Variants in NAALAD2 observed in about 807,000 individuals in gnomAD.
The protein encoded by NAALAD2 is N-acetylated alpha-linked acidic dipeptidase 2.
NAALAD2 carries 89 observed loss-of-function variants against 95.6 expected under a neutral mutation model. The ratio of observed to expected loss-of-function variants is 0.93; its 90% confidence interval spans 0.78 to 1.11. NAALAD2 has a LOEUF of 1.11. Among genes scored for constraint, NAALAD2 ranks in the 50% least tolerant of loss-of-function variants. The pLI is 0.00. For missense variants in NAALAD2, 894 were observed against 872.4 expected, an observed-to-expected ratio of 1.02 and a Z score of -0.31; for synonymous variants, 264 against 294.4, an observed-to-expected ratio of 0.90 and a Z score of 1.06.
chr11:90,177,754 G>C, intron 15 of NAALAD2, 99 bp from the exon 16 acceptor site: 1 of 1,241,902 alleles, frequency 8.1e-7, no homozygotes, highest in Non-Finnish European at 1.1e-6. Flanking sequence ...TGACTGGCTG[G>C]TTGTTATTTT....
At chr11:90,166,975 C>A (rs1174638632) in intron 11 of NAALAD2, among the ~76,000 whole-genome samples, 1 of 152,214 alleles carries the variant, frequency 6.6e-6, no homozygotes, top group Non-Finnish European at 1.5e-5. Context: ...CATGGTGAAA[C>A]CCCGTGTCTA....
intron 2 of NAALAD2, among the ~76,000 whole-genome samples, chr11:90,139,072 A>G (rs1158552398): frequency 6.6e-6 from 1 of 152,058 alleles, no homozygotes; most frequent in Non-Finnish European, 1.5e-5. Context: ...GGGGGTAAGT[A>G]GACTACTTGA....
chr11:90,158,342 TA>T (rs777740369), intron 7 of NAALAD2, 104 bp downstream of exon 7: 1 of 766,974 alleles, frequency 1.3e-6, no homozygotes. Flanking sequence ...CAAAGTTTTA[TA>T]ACTAAATAAC....
intron 8 of NAALAD2, among the ~76,000 whole-genome samples, chr11:90,159,911 G>A (rs988295350): frequency 2.3e-4 from 26 of 110,680 alleles, no homozygotes; most frequent in South Asian, 9.1e-4. Context: ...CTGAGATCGC[G>A]CCATTGCACT....
At chr11:90,180,560 C>T (rs1952932503) in intron 16 of NAALAD2, among the ~76,000 whole-genome samples, 1 of 151,772 alleles carries the variant, frequency 6.6e-6, no homozygotes, top group African/African-American at 2.4e-5. Flanking sequence ...AAATTCTTTC[C>T]ATTAGGTGTG....
At chr11:90,163,470 T>C in intron 10 of NAALAD2, 41 bp downstream of exon 10, 1 of 1,613,218 alleles carries the variant, frequency 6.2e-7, no homozygotes. Flanking sequence ...AAAAAGTGAC[T>C]TACTGAATTT....
Position 90,139,058 on chromosome 11 carries a change from G to T in NAALAD2, c.194+3388G>T, listed in dbSNP as rs549156841. ...TCTAGGGGGCAAATTAGAGAGATGT[G>T]TTTGGGGGTAAGTAGACTACTTGAT... On this transcript the variant is annotated intron_variant, in intron 2 of 18. Transcript: ENST00000534061. 1.7e-3 allele frequency among the ~76,000 whole-genome samples: 264 copies of T among 152,118 alleles called. 2 individuals carry two copies. Among genetic ancestry groups the T allele is most frequent in the African/African-American group, 6.3e-3 (261 of 41,494 alleles).
chr11:90,152,599 A>G (rs1951919642), intron 6 of NAALAD2, 115 bp downstream of exon 6: 2 of 666,356 alleles, frequency 3.0e-6, no homozygotes, highest in Non-Finnish European at 4.7e-6. Flanking sequence ...GTACACTTAT[A>G]TCATTTTGGA....
chr11:90,164,786 T>G (rs1445608169), intron 11 of NAALAD2, among the ~76,000 whole-genome samples: 1 of 152,210 alleles, frequency 6.6e-6, no homozygotes, highest in African/African-American at 2.4e-5. Flanking sequence ...AAAACTATTT[T>G]AAAAACTAGG....
chr11:90,166,704 G>A (rs1952461079), intron 11 of NAALAD2, among the ~76,000 whole-genome samples: 1 of 151,934 alleles, frequency 6.6e-6, no homozygotes, highest in South Asian at 2.1e-4. Context: ...GCGCAGTGGT[G>A]GGTGCCTGTA....
intron 13 of NAALAD2, among the ~76,000 whole-genome samples, chr11:90,172,518 C>G (rs114800374): frequency 0.01 from 1,572 of 152,184 alleles, 25 homozygotes; most frequent in African/African-American, 0.036. Context: ...GTGCCAATAC[C>G]CAACATCTTT....
chr11:90,174,859 A>T (rs897051994), intron 14 of NAALAD2, among the ~76,000 whole-genome samples: 1 of 152,230 alleles, frequency 6.6e-6, no homozygotes, highest in Non-Finnish European at 1.5e-5. Context: ...CCAATATCCA[A>T]AACTTTTTGA....
intron 4 of NAALAD2, 144 bp downstream of exon 4, chr11:90,149,251 C>T (rs1951827341): frequency 2.5e-6 from 1 of 399,128 alleles, no homozygotes; most frequent in Non-Finnish European, 4.6e-6. Flanking sequence ...AAAACCTCAT[C>T]CCTCAAATTA....
chr11:90,166,051 G>T (rs1008399534), intron 11 of NAALAD2, among the ~76,000 whole-genome samples: 11 of 152,176 alleles, frequency 7.2e-5, no homozygotes, highest in Middle Eastern at 3.4e-3. Context: ...CTATAAATCT[G>T]TTATAATGGA....
At chr11:90,185,966 C>G (rs924539369) in intron 18 of NAALAD2, among the ~76,000 whole-genome samples, 9 of 150,790 alleles carry the variant, frequency 6.0e-5, no homozygotes, top group Non-Finnish European at 1.5e-5. Flanking sequence ...TTGATCACAT[C>G]TCATGACTTT....
rs755901226 is a variant in NAALAD2 at position 90,170,053 on chromosome 11, CTTAT to C, written c.1343-9_1343-6del. 2.7e-4 allele frequency: 390 copies of C among 1,442,012 alleles called. No individual in the cohort carries two copies. The highest frequency in any genetic ancestry group is 3.6e-4 in the Non-Finnish European group (371 of 1,024,056). 89.3% of individuals were successfully genotyped at this position (1,442,012 alleles called of 1,614,324 possible). On this transcript the variant is annotated splice_polypyrimidine_tract_variant and intron_variant, in intron 12 of 18. Coordinates refer to ENST00000534061, the MANE Select transcript of NAALAD2 (RefSeq NM_005467.4). ...AGAAGTATGAAATAATACTCTGTGT[CTTAT>C]TTATTTTTCAGGCAATTATACTCTC...
upstream of NAALAD2, among the ~76,000 whole-genome samples, chr11:90,134,209 C>CA (rs1181904353): frequency 1.3e-5 from 2 of 152,022 alleles, no homozygotes; most frequent in East Asian, 1.9e-4. Flanking sequence ...TAAAGGGGAA[C>CA]AAAAAAACGC....
At chr11:90,182,405 C>T (rs1032706866) in intron 17 of NAALAD2, among the ~76,000 whole-genome samples, 3 of 152,030 alleles carry the variant, frequency 2.0e-5, no homozygotes, top group Non-Finnish European at 4.4e-5. Context: ...TAGGGGAGCC[C>T]AGGGAACTTA....
At chr11:90,138,388 C>T (rs1472129602) in intron 2 of NAALAD2, among the ~76,000 whole-genome samples, 1 of 152,090 alleles carries the variant, frequency 6.6e-6, no homozygotes, top group East Asian at 1.9e-4. Context: ...AATTCTTAGA[C>T]ATCATGTATG....
Sources: allele counts gnomAD v4.1 joint callset (sites outside exome capture counted in the v4.1 genomes callset), GRCh38; gene constraint gnomAD v4.1.1; transcripts MANE v1.5; gene names NCBI Gene and HGNC (gene_info 2026-07-23, HGNC 2026-07-21).